Variants in GPI observed in about 807,000 individuals in gnomAD.
The protein encoded by GPI is glucose-6-phosphate isomerase.
Under a neutral mutation model 75.8 loss-of-function variants are expected in GPI, and 56 were observed. That is an observed-to-expected ratio of 0.74 (90% CI 0.60 to 0.92). GPI has a LOEUF of 0.92. GPI is among the 40% of genes least tolerant of loss of function. GPI has a pLI of 0.00. For missense variants in GPI, 638 were observed against 741.0 expected (o/e 0.86, Z 1.61); for synonymous variants, 288 against 285.4 (o/e 1.01, Z -0.09).
At position 34,393,607 on chromosome 19, in the gene GPI, C is replaced by T. The variant is rs1568347238; in HGVS notation, c.866-121C>T. ...GGAGGGGCTTTGTCTAGGTCCGAGT[C>T]CTCCCATGTCGTATCTTCTGGCTCT... On this transcript the variant is annotated intron_variant, in intron 10 of 17. Transcript: ENST00000356487. The surrounding 1 kb of genome is among the most constrained non-coding windows in gnomAD (Gnocchi z 4.4). 1 of 957,594 alleles carries T rather than the reference C, an allele frequency of 1.0e-6. No individual in the cohort carries two copies. The highest frequency in any genetic ancestry group is 1.7e-6 in the Non-Finnish European group (1 of 592,848). 59.3% of individuals were successfully genotyped at this position (957,594 alleles called of 1,614,324 possible). A position where few individuals can be genotyped will look rare whatever the true frequency, so the allele number is the denominator to read the frequency against.
At chr19:34,370,798 A>G (rs2074440165) in intron 4 of GPI, among the ~76,000 whole-genome samples, 1 of 151,836 alleles carries the variant, frequency 6.6e-6, no homozygotes, top group Non-Finnish European at 1.5e-5. Context: ...GTGGTGGTGT[A>G]TCCCAGCTAC....
At chr19:34,398,122 C>T (rs2074970679) in intron 14 of GPI, 1 of 151,424 alleles carries the variant, frequency 6.6e-6, no homozygotes, top group Admixed American at 6.6e-5. Context: ...CACAATCAGG[C>T]TCTCTGCAGC....
upstream of GPI, among the ~76,000 whole-genome samples, chr19:34,361,358 C>T (rs7256503): frequency 6.6e-6 from 1 of 152,086 alleles, no homozygotes. Flanking sequence ...TCCAAAAGTA[C>T]TGGGATTACA....
At chr19:34,366,116 G>C (rs1178912279) in intron 1 of GPI, 3 of 694,334 alleles carry the variant, frequency 4.3e-6, no homozygotes. Flanking sequence ...CTCATCCAGG[G>C]TCTGCCTGCA....
chr19:34,393,423 T>A lies in GPI; in HGVS notation c.865+115T>A. ...GCTGTCCTCACAGGCTGCTGGCCTC[T>A]CTGCAGCTGGCTGGGATATTTATTT... is the stretch of plus-strand genomic sequence containing the variant. On this transcript the variant is annotated intron_variant, in intron 10 of 17. Transcript: ENST00000356487. The surrounding 1 kb of genome is among the most constrained non-coding windows in gnomAD (Gnocchi z 4.4). The A allele has an allele frequency of 1.1e-6, 1 of 882,634 alleles. No individual in the cohort carries two copies. Among genetic ancestry groups the A allele is most frequent in the Non-Finnish European group, 1.9e-6 (1 of 516,662 alleles). The allele number at this position is 882,634 out of a possible 1,614,324, so 54.7% of individuals were successfully genotyped here.
At chr19:34,369,623 C>T (rs936547302) in intron 4 of GPI, among the ~76,000 whole-genome samples, 2 of 151,854 alleles carry the variant, frequency 1.3e-5, no homozygotes, top group Non-Finnish European at 2.9e-5. Context: ...AGGAGAATCG[C>T]TTGAACCCGT....
chr19:34,366,910 CTGTT>C (rs774751291), intron 3 of GPI, 59 bp downstream of exon 3: 1 of 1,217,454 alleles, frequency 8.2e-7, no homozygotes. Context: ...GTTTATCTGA[CTGTT>C]AGCCGCATCA....
At chr19:34,385,766 G>T (rs567638864) in intron 9 of GPI, among the ~76,000 whole-genome samples, 1 of 151,950 alleles carries the variant, frequency 6.6e-6, no homozygotes, top group East Asian at 1.9e-4. Flanking sequence ...GCAGGTAGGG[G>T]GTGCTGGTCC....
intron 1 of GPI, chr19:34,365,958 T>TA (rs1267724339): frequency 1.6e-5 from 8 of 500,918 alleles, no homozygotes; most frequent in Non-Finnish European, 3.1e-5. Flanking sequence ...TGATCACTGA[T>TA]ACTGGTGGAG....
At chr19:34,385,360 C>CAAAAAA (rs58133757) in intron 9 of GPI, among the ~76,000 whole-genome samples, 3 of 95,134 alleles carry the variant, frequency 3.2e-5, no homozygotes, top group East Asian at 5.7e-4. Context: ...AAACAAAAAA[C>CAAAAAA]AAAAAAAAAA....
intron 1 of GPI, chr19:34,366,006 T>C (rs543302428): frequency 5.4e-6 from 3 of 557,194 alleles, no homozygotes; most frequent in East Asian, 4.3e-5. Flanking sequence ...GGGCTAGACG[T>C]CCCGATGGCC....
At position 34,400,636 on chromosome 19, in the gene GPI, T is replaced by G. The variant is rs1489756091; in HGVS notation, c.*600T>G. 1 of 407,474 alleles carries G rather than the reference T, an allele frequency of 2.5e-6. No individual in the cohort carries two copies. Among genetic ancestry groups the G allele is most frequent in the African/African-American group, 2.1e-5 (1 of 48,720 alleles). 25.2% of individuals were successfully genotyped at this position (407,474 alleles called of 1,614,324 possible). ...AAAAACTGCATTGAGATTATGTTTGTTTCGGGTGAATTCCTGGACAAGACC... is the reference window on the plus strand; with the variant it reads ...AAAAACTGCATTGAGATTATGTTTGGTTCGGGTGAATTCCTGGACAAGACC... On this transcript the variant is annotated 3_prime_UTR_variant, in exon 18 of 18. Transcript: ENST00000356487.
Position 34,393,140 on chromosome 19 carries a change from A to G in GPI, c.805-108A>G. 1.1e-6 allele frequency: 1 copy of G among 884,368 alleles called. No homozygotes were observed. Among genetic ancestry groups the G allele is most frequent in the Non-Finnish European group, 1.9e-6 (1 of 524,748 alleles). The allele number at this position is 884,368 out of a possible 1,614,324, so 54.8% of individuals were successfully genotyped here. ...TTGCTTCCTGGAGGTGGGTTGGGCC[A>G]GGGCCCTCCGAGACGCCCCTGTGCA... On this transcript the variant is annotated intron_variant, in intron 9 of 17. Coordinates refer to ENST00000356487, the MANE Select transcript of GPI (RefSeq NM_000175.5). The surrounding 1 kb of genome is among the most constrained non-coding windows in gnomAD (Gnocchi z 4.4).
rs752455390 is a variant in GPI at position 34,365,232 on chromosome 19, C to G, written c.-35C>G. On this transcript the variant is annotated 5_prime_UTR_variant, in exon 1 of 18. Transcript: ENST00000356487. ...GCTGCCGGCGCTCCTTCCTCCTCGG[C>G]TCGCGTCTCACTCAGTGTACCTTCT... 4.1e-5 allele frequency: 60 copies of G among 1,466,038 alleles called. No individual in the cohort carries two copies. The highest frequency in any genetic ancestry group is 5.3e-5 in the Non-Finnish European group (58 of 1,104,114). The allele number at this position is 1,466,038 out of a possible 1,614,324, so 90.8% of individuals were successfully genotyped here. A position where few individuals can be genotyped will look rare whatever the true frequency, so the allele number is the denominator to read the frequency against.
chr19:34,359,989 G>C (rs2074292664), upstream of GPI: 1 of 152,316 alleles, frequency 6.6e-6, no homozygotes, highest in Non-Finnish European at 1.5e-5. Flanking sequence ...TCCAGAGTTA[G>C]GACTGTCCCC....
At chr19:34,365,106 T>G (rs993982934), upstream of GPI, 2 of 1,307,594 alleles carry the variant, frequency 1.5e-6, no homozygotes, top group Non-Finnish European at 2.0e-6. Flanking sequence ...GGGGCGCGGG[T>G]CGGGGGCGGG....
At chr19:34,363,594 G>A (rs1194455429), upstream of GPI, among the ~76,000 whole-genome samples, 1 of 152,206 alleles carries the variant, frequency 6.6e-6, no homozygotes, top group African/African-American at 2.4e-5. Flanking sequence ...GGCTGAGGCA[G>A]GCGGATAATG....
At chr19:34,383,297 C>CAT (rs2074683458) in intron 9 of GPI, among the ~76,000 whole-genome samples, 1 of 152,118 alleles carries the variant, frequency 6.6e-6, no homozygotes, top group South Asian at 2.1e-4. Flanking sequence ...GAGAGGGACC[C>CAT]ATAGGTCTGT....
chr19:34,364,411 T>A (rs1259515332), upstream of GPI, among the ~76,000 whole-genome samples: 1 of 150,148 alleles, frequency 6.7e-6, no homozygotes, highest in African/African-American at 2.5e-5. Context: ...AGATGGAGTC[T>A]CACTCTGCCA....
Sources: allele counts gnomAD v4.1 joint callset (sites outside exome capture counted in the v4.1 genomes callset), GRCh38; gene constraint gnomAD v4.1.1; non-coding constraint Gnocchi (gnomAD v3.1); transcripts MANE v1.5; gene names NCBI Gene and HGNC (gene_info 2026-07-23, HGNC 2026-07-21).